PARD6B: variants seen among roughly 807,000 people sequenced by gnomAD.
PARD6B encodes the protein partitioning defective 6 homolog beta.
In PARD6B, 4 loss-of-function variants were observed where a neutral mutation model predicts 10.5. The observed-to-expected ratio is 0.38, with a 90% CI of 0.19 to 0.87. The LOEUF (loss-of-function observed/expected upper bound fraction) is 0.87, where lower values mean the gene tolerates loss of function less well. PARD6B is among the 40% of genes least tolerant of loss of function. The probability of loss-of-function intolerance (pLI) is 0.41; values close to 1 mark genes in which losing one functional copy is unlikely to be tolerated. For missense variants in PARD6B, 396 were observed against 470.6 expected, an observed-to-expected ratio of 0.84 and a Z score of 1.47; for synonymous variants, 169 against 170.4, an observed-to-expected ratio of 0.99 and a Z score of 0.07.
chr20:50,732,302 C>T (rs1467790804), intron 1 of PARD6B, among the ~76,000 whole-genome samples: 2 of 152,216 alleles, frequency 1.3e-5, no homozygotes, highest in Non-Finnish European at 2.9e-5. Context: ...GCCCAGTGAA[C>T]TAAACAGCCC....
Position 50,731,689 on chromosome 20 carries a change from C to A in PARD6B, c.-98C>A. On this transcript the variant is annotated 5_prime_UTR_variant, in exon 1 of 3. Coordinates refer to ENST00000371610, the MANE Select transcript of PARD6B (RefSeq NM_032521.3). The stretch of plus-strand genomic sequence containing the variant: ...GGTGCCTGTGAGGAGGCGCCCGGGC[C>A]GCAACCGCTTTCCGAGATCCCCAGT... The A allele has an allele frequency of 8.6e-7, 1 of 1,166,634 alleles. No individual in the cohort carries two copies. 72.3% of individuals were successfully genotyped at this position (1,166,634 alleles called of 1,614,324 possible). A position where few individuals can be genotyped will look rare whatever the true frequency, so the allele number is the denominator to read the frequency against.
Position 50,751,060 on chromosome 20 carries a change from C to T in PARD6B, c.*572C>T, listed in dbSNP as rs1393374945. On this transcript the variant is annotated 3_prime_UTR_variant, in exon 3 of 3. Transcript: ENST00000371610. ...TCACAGCTCTCTGCAGCCTCAATCC[C>T]CTGGGCTCAAGCAGTCCTCCCACCT... 1.8e-6 allele frequency: 1 copy of T among 554,144 alleles called. No individual in the cohort carries two copies. The highest frequency in any genetic ancestry group is 2.3e-6 in the Non-Finnish European group (1 of 440,834). The allele number at this position is 554,144 out of a possible 1,614,324, so 34.3% of individuals were successfully genotyped here. A position where few individuals can be genotyped will look rare whatever the true frequency, so the allele number is the denominator to read the frequency against.
At chr20:50,740,363 A>G (rs141711702) in intron 2 of PARD6B, among the ~76,000 whole-genome samples, 103 of 152,352 alleles carry the variant, frequency 6.8e-4, no homozygotes, top group African/African-American at 2.3e-3. Context: ...GTGCATTCAA[A>G]TATAGAGTGG....
chr20:50,751,712 A>G lies in PARD6B; in HGVS notation c.*1224A>G. 1 of 961,074 alleles carries G rather than the reference A, an allele frequency of 1.0e-6. No individual in the cohort carries two copies. Among genetic ancestry groups the G allele is most frequent in the Non-Finnish European group, 1.2e-6 (1 of 817,530 alleles). 59.5% of individuals were successfully genotyped at this position (961,074 alleles called of 1,614,324 possible). ...TTAGGAGTTACTTCCCATGTTATAA[A>G]GCTGAGGAAGCTTTTTTTTTTTTTT... On this transcript the variant is annotated 3_prime_UTR_variant, in exon 3 of 3. Coordinates refer to ENST00000371610, the MANE Select transcript of PARD6B (RefSeq NM_032521.3).
chr20:50,744,545 C>T (rs2087554220), intron 2 of PARD6B, among the ~76,000 whole-genome samples: 1 of 152,106 alleles, frequency 6.6e-6, no homozygotes. Context: ...TTCCCTTTGC[C>T]CTTAGGCTAA....
Position 50,751,529 on chromosome 20 carries a change from G to A in PARD6B, c.*1041G>A, listed in dbSNP as rs2087610098. Reference sequence around the variant, plus strand: ...TGCCACCATGCCTGGCTAATTTTTAGTAGAGACGGGGTTTCGCAGTGTTAG... The same window carrying A: ...TGCCACCATGCCTGGCTAATTTTTAATAGAGACGGGGTTTCGCAGTGTTAG... On this transcript the variant is annotated 3_prime_UTR_variant, in exon 3 of 3. Transcript: ENST00000371610. 2 of 841,840 alleles carry A rather than the reference G, an allele frequency of 2.4e-6. No homozygotes were observed. The highest frequency in any genetic ancestry group is 2.9e-6 in the Non-Finnish European group (2 of 700,378). 52.1% of individuals were successfully genotyped at this position (841,840 alleles called of 1,614,324 possible). A position where few individuals can be genotyped will look rare whatever the true frequency, so the allele number is the denominator to read the frequency against.
chr20:50,744,411 G>A (rs925796288), intron 2 of PARD6B, among the ~76,000 whole-genome samples: 1 of 151,980 alleles, frequency 6.6e-6, no homozygotes, highest in African/African-American at 2.4e-5. Context: ...ACTGCACTGC[G>A]CTGGCTGCAG....
rs569867627 is a variant in PARD6B, at chr20:50,750,232, A to T, written c.863A>T (p.Asp288Val). Reference sequence around the variant, plus strand: ...ATTGAACCAAGCTTTGAGCCAGAGGATGAAGACAGCGAAGAAGATGACATT... The same window carrying T: ...ATTGAACCAAGCTTTGAGCCAGAGGTTGAAGACAGCGAAGAAGATGACATT... ...QQIEPSFEPE[D>V]EDSEEDDIII... The change falls in exon 3 of 3, where the codon GAT (aspartate) becomes GTT (valine). Residue 288 changes from aspartate to valine, a missense_variant. Physicochemically the swap from Asp to Val is radical, Grantham distance 152. Transcript: ENST00000371610. 1.2e-6 allele frequency: 2 copies of T among 1,614,214 alleles called. No homozygotes were observed. The highest frequency in any genetic ancestry group is 1.7e-6 in the Non-Finnish European group (2 of 1,180,038).
At chr20:50,748,285 A>G (rs2087580396) in intron 2 of PARD6B, among the ~76,000 whole-genome samples, 1 of 152,232 alleles carries the variant, frequency 6.6e-6, no homozygotes, top group African/African-American at 2.4e-5. Context: ...CGGGGGTGGC[A>G]GTGAGCTGAG....
chr20:50,736,656 T>A (rs774123721), intron 1 of PARD6B, among the ~76,000 whole-genome samples: 21 of 152,158 alleles, frequency 1.4e-4, no homozygotes, highest in Non-Finnish European at 2.9e-4. Context: ...ATAAATCCTG[T>A]TTATCATGGA....
rs749146553 is a variant in PARD6B at position 50,737,973 on chromosome 20, C to T, written c.183C>T (p.Gly61=). 1.2e-5 allele frequency: 19 copies of T among 1,613,382 alleles called. No individual in the cohort carries two copies. The highest frequency in any genetic ancestry group is 1.5e-5 in the Non-Finnish European group (18 of 1,179,708). Residue 61 remains glycine, a synonymous_variant, in exon 2 of 3, where the codon GGC becomes GGT. Transcript: ENST00000371610. The part of the protein sequence containing the change: ...HKIPNVDVLV[G]YADIHGDLLP... ...TCCCCAATGTTGACGTTTTGGTAGG[C>T]TATGCAGACATCCATGGAGACTTAC...
intron 1 of PARD6B, among the ~76,000 whole-genome samples, chr20:50,733,589 G>C (rs545115041): frequency 7.5e-6 from 1 of 132,592 alleles, no homozygotes; most frequent in African/African-American, 2.5e-5. Context: ...ACTTGCTTGA[G>C]CTATAGCGTT....
chr20:50,744,356 C>T (rs368799314), intron 2 of PARD6B, among the ~76,000 whole-genome samples: 131 of 151,960 alleles, frequency 8.6e-4, no homozygotes, highest in African/African-American at 3.0e-3. Context: ...TCTGGTAATC[C>T]GCCCACCTCG....
Position 50,731,917 on chromosome 20 carries a change from C to T in PARD6B, c.66+65C>T, listed in dbSNP as rs551557870. 1.6e-5 allele frequency: 21 copies of T among 1,300,338 alleles called. No individual in the cohort carries two copies. The East Asian group carries it at 3.8e-4, about 24-fold the overall frequency. 80.6% of individuals were successfully genotyped at this position (1,300,338 alleles called of 1,614,324 possible). ...GGGCCGGGGCCTGGGAGAGGCCGGG[C>T]CAGGCTCGGAGCGCCGGGGGAGGCG... On this transcript the variant is annotated intron_variant, in intron 1 of 2. Coordinates refer to ENST00000371610, the MANE Select transcript of PARD6B (RefSeq NM_032521.3).
At chr20:50,749,219 T>G (rs1256771514) in intron 2 of PARD6B, among the ~76,000 whole-genome samples, 1 of 152,056 alleles carries the variant, frequency 6.6e-6, no homozygotes, top group African/African-American at 2.4e-5. Context: ...GGCACACACC[T>G]GTAGTCCCAG....
intron 2 of PARD6B, among the ~76,000 whole-genome samples, chr20:50,739,125 T>A (rs971483330): frequency 2.0e-5 from 3 of 151,784 alleles, no homozygotes; most frequent in Non-Finnish European, 4.4e-5. Flanking sequence ...ATTAAAGACT[T>A]ACGGTATTTA....
intron 2 of PARD6B, among the ~76,000 whole-genome samples, chr20:50,742,400 C>G (rs996958790): frequency 2.0e-5 from 3 of 151,366 alleles, no homozygotes; most frequent in African/African-American, 7.3e-5. Flanking sequence ...GAGTCTTACT[C>G]TGTTGCCCAG....
At position 50,753,124 on chromosome 20, in the gene PARD6B, T is replaced by G. The variant is rs374046264; in HGVS notation, c.*2636T>G. On this transcript the variant is annotated 3_prime_UTR_variant, in exon 3 of 3. Coordinates refer to ENST00000371610, the MANE Select transcript of PARD6B (RefSeq NM_032521.3). ...TCAGAACTTTTGGGGGAAAAACTAC[T>G]TCAGGGCTTGACTTTTTGTACAAAT... 4.3e-5 allele frequency: 42 copies of G among 984,920 alleles called. 1 individual carries two copies. In the South Asian group the frequency reaches 1.6e-3, roughly 37 times the overall value. 61.0% of individuals were successfully genotyped at this position (984,920 alleles called of 1,614,324 possible).
intron 2 of PARD6B, among the ~76,000 whole-genome samples, chr20:50,738,509 C>G (rs915817025): frequency 1.3e-5 from 2 of 152,152 alleles, no homozygotes; most frequent in African/African-American, 4.8e-5. Context: ...TTAATAAATA[C>G]CAGAAACAAA....
Sources: allele counts gnomAD v4.1 joint callset (sites outside exome capture counted in the v4.1 genomes callset), GRCh38; gene constraint gnomAD v4.1.1; transcripts MANE v1.5; gene names NCBI Gene and HGNC (gene_info 2026-07-23, HGNC 2026-07-21).